Variants in CRMP1 observed in about 807,000 individuals in gnomAD.
CRMP1 encodes dihydropyrimidinase-related protein 1.
CRMP1 carries 19 observed loss-of-function variants against 68.3 expected under a neutral mutation model. That is an observed-to-expected ratio of 0.28 (90% CI 0.19 to 0.41). CRMP1 has a LOEUF of 0.41. Among genes scored for constraint, CRMP1 ranks in the 10% least tolerant of loss-of-function variants. The pLI is 1.00. For missense variants in CRMP1, 791 were observed against 967.4 expected, an observed-to-expected ratio of 0.82 and a Z score of 2.42; for synonymous variants, 439 against 399.6, an observed-to-expected ratio of 1.10 and a Z score of -1.18.
chr4:5,880,094 A>G (rs1715129322), intron 1 of CRMP1, among the ~76,000 whole-genome samples: 1 of 152,194 alleles, frequency 6.6e-6, no homozygotes, highest in Non-Finnish European at 1.5e-5. Flanking sequence ...CACTCTACAT[A>G]AAGAAGAGCC....
At chr4:5,876,774 A>G (rs986132078) in intron 1 of CRMP1, among the ~76,000 whole-genome samples, 4 of 149,728 alleles carry the variant, frequency 2.7e-5, no homozygotes, top group African/African-American at 1.0e-4. Context: ...ATAGCACGAC[A>G]GCATGGCCCA....
intron 4 of CRMP1, 73 bp from the exon 5 acceptor site, chr4:5,851,542 G>A (rs1340576617): frequency 6.9e-7 from 1 of 1,439,938 alleles, no homozygotes; most frequent in African/African-American, 1.4e-5. Flanking sequence ...ATAAATCAAT[G>A]ACCACAGAGC....
chr4:5,860,883 C>T lies in CRMP1; in HGVS notation c.655+143G>A. Reference sequence around the variant, plus strand: ...CACGGTATGCTCTGTAAAACAGTGACCTGTGTCATAGGGCTGGGGGGAGAA... The same window carrying T: ...CACGGTATGCTCTGTAAAACAGTGATCTGTGTCATAGGGCTGGGGGGAGAA... On this transcript the variant is annotated intron_variant, in intron 3 of 13. Transcript: ENST00000324989. This position sits in a 1 kb window ranked among gnomAD's most constrained non-coding sequence, Gnocchi z 4.2. 1 of 778,920 alleles carries T rather than the reference C, an allele frequency of 1.3e-6. No individual in the cohort carries two copies. Among genetic ancestry groups the T allele is most frequent in the Non-Finnish European group, 2.0e-6 (1 of 501,736 alleles). The allele number at this position is 778,920 out of a possible 1,614,324, so 48.3% of individuals were successfully genotyped here. A position where few individuals can be genotyped will look rare whatever the true frequency, so the allele number is the denominator to read the frequency against.
intron 13 of CRMP1, among the ~76,000 whole-genome samples, chr4:5,822,373 A>G (rs996410263): frequency 6.6e-6 from 1 of 152,166 alleles, no homozygotes; most frequent in African/African-American, 2.4e-5. Flanking sequence ...CCCACACTCC[A>G]AAGGTATTTT....
At chr4:5,849,117 C>CA (rs1712436059) in intron 6 of CRMP1, among the ~76,000 whole-genome samples, 1 of 152,190 alleles carries the variant, frequency 6.6e-6, no homozygotes, top group South Asian at 2.1e-4. Context: ...AGGAGACTGG[C>CA]ATGGAACACC....
chr4:5,825,884 C>G lies in CRMP1; in HGVS notation c.1804-225G>C. ...GCATACACACACATCTACATACCCA[C>G]ATGCATACACATACAGACGCACACA... On this transcript the variant is annotated intron_variant, in intron 12 of 13. Coordinates refer to ENST00000324989, the MANE Select transcript of CRMP1 (RefSeq NM_001014809.3). The surrounding 1 kb of genome is among the most constrained non-coding windows in gnomAD (Gnocchi z 4.4). The G allele has an allele frequency of 1.9e-6, 1 of 513,684 alleles. No individual in the cohort carries two copies. The highest frequency in any genetic ancestry group is 4.0e-5 in the Admixed American group (1 of 25,046). 31.8% of individuals were successfully genotyped at this position (513,684 alleles called of 1,614,324 possible).
intron 1 of CRMP1, among the ~76,000 whole-genome samples, chr4:5,874,093 T>G (rs1714645185): frequency 6.6e-6 from 1 of 152,242 alleles, no homozygotes; most frequent in Admixed American, 6.5e-5. Flanking sequence ...ATCAAAGGCC[T>G]TAACAATGTT....
chr4:5,839,720 C>A (rs746318573), intron 8 of CRMP1, 42 bp from the exon 9 acceptor site: 11 of 1,566,614 alleles, frequency 7.0e-6, no homozygotes, highest in Admixed American at 1.8e-5. Flanking sequence ...AGCAAATACT[C>A]TCTTGAGGCA....
At chr4:5,871,488 G>A (rs1479453551) in intron 1 of CRMP1, among the ~76,000 whole-genome samples, 9 of 152,042 alleles carry the variant, frequency 5.9e-5, no homozygotes, top group African/African-American at 9.7e-5. Flanking sequence ...GTGAAACCCC[G>A]TCTGTACTAA....
intron 12 of CRMP1, chr4:5,828,028 C>G: frequency 2.0e-6 from 2 of 985,284 alleles, no homozygotes; most frequent in Non-Finnish European, 2.4e-6. Context: ...AAGGGCGGAT[C>G]TGAAGGAAGC....
Position 5,892,925 on chromosome 4 carries a change from G to T in CRMP1, c.45C>A (p.Pro15=), listed in dbSNP as rs999599956. The T allele has an allele frequency of 1.5e-6, 2 of 1,310,054 alleles. No individual in the cohort carries two copies. The highest frequency in any genetic ancestry group is 9.8e-7 in the Non-Finnish European group (1 of 1,024,266). 81.2% of individuals were successfully genotyped at this position (1,310,054 alleles called of 1,614,324 possible). Reference sequence around the variant, plus strand: ...CGCTGCCCGGCCGCGCCAGGTACACGGGCAGGTCGTCCTCGGTGTTCCACG... The same window carrying T: ...CGCTGCCCGGCCGCGCCAGGTACACTGGCAGGTCGTCCTCGGTGTTCCACG... ...RRAWNTEDDL[P]VYLARPGSAA... Residue 15 remains proline, a synonymous_variant, in exon 1 of 14, where the codon CCC becomes CCA. Transcript: ENST00000324989. This position sits in a 1 kb window ranked among gnomAD's most constrained non-coding sequence, Gnocchi z 8.6.
chr4:5,835,849 C>A, intron 11 of CRMP1, 66 bp downstream of exon 11: 1 of 1,345,482 alleles, frequency 7.4e-7, no homozygotes, highest in South Asian at 2.4e-5. Flanking sequence ...CATTTTTAAC[C>A]AGTCTTTAAA....
intron 1 of CRMP1, among the ~76,000 whole-genome samples, chr4:5,880,917 T>C (rs181325864): frequency 6.6e-6 from 1 of 152,330 alleles, no homozygotes; most frequent in East Asian, 1.9e-4. Flanking sequence ...CCAGTGTTCC[T>C]GAAGGGCTCC....
chr4:5,836,696 T>A (rs1193375538), intron 10 of CRMP1, 69 bp downstream of exon 10: 2 of 1,610,474 alleles, frequency 1.2e-6, no homozygotes, highest in Admixed American at 3.3e-5. Context: ...CCAGCGTGCA[T>A]AATGCATCGG....
intron 3 of CRMP1, among the ~76,000 whole-genome samples, chr4:5,857,753 A>C (rs185974491): frequency 6.6e-6 from 1 of 152,306 alleles, no homozygotes; most frequent in African/African-American, 2.4e-5. Flanking sequence ...CTGAACTCTT[A>C]CCCACTGCTC....
chr4:5,853,443 T>A lies in CRMP1; in HGVS notation c.821-1974A>T, dbSNP rs147592089. ...AGAGCTGCATCTAAGAGATAGCAAG[T>A]GTTGATGAGGATGTGGAGAAAAGGC... is the stretch of plus-strand genomic sequence containing the variant. On this transcript the variant is annotated intron_variant, in intron 4 of 13. Coordinates refer to ENST00000324989, the MANE Select transcript of CRMP1 (RefSeq NM_001014809.3). The surrounding 1 kb of genome is among the most constrained non-coding windows in gnomAD (Gnocchi z 4.7). 4.2e-3 allele frequency among the ~76,000 whole-genome samples: 643 copies of A among 152,172 alleles called. 2 individuals are homozygous for A. The highest frequency in any genetic ancestry group is 6.5e-3 in the Non-Finnish European group (443 of 67,990).
rs2286281 is a variant in CRMP1 at position 5,841,591 on chromosome 4, G to T, written c.1033-163C>A. On this transcript the variant is annotated intron_variant, in intron 7 of 13. Coordinates refer to ENST00000324989, the MANE Select transcript of CRMP1 (RefSeq NM_001014809.3). This position sits in a 1 kb window ranked among gnomAD's most constrained non-coding sequence, Gnocchi z 6.9. ...GCTTGACAGTGCCCCCTGCTCTCCG[G>T]GGTGGAGCATTGGTCTCACGCTGGG... 0.3 allele frequency among the ~76,000 whole-genome samples: 45,638 copies of T among 151,988 alleles called. 7,234 individuals are homozygous for T. Among genetic ancestry groups the T allele is most frequent in the African/African-American group, 0.38 (15,599 of 41,458 alleles).
chr4:5,888,521 G>C lies in CRMP1; in HGVS notation c.381+4068C>G. ...GAAGGAGGAGGGAGAGGCGAGGGCG[G>C]GAGGAGGGGGCTGCAGACAGCTCCT... On this transcript the variant is annotated intron_variant, in intron 1 of 13. Coordinates refer to ENST00000324989, the MANE Select transcript of CRMP1 (RefSeq NM_001014809.3). The surrounding 1 kb of genome is among the most constrained non-coding windows in gnomAD (Gnocchi z 6.4). 2.5e-6 allele frequency: 3 copies of C among 1,183,958 alleles called. No individual in the cohort carries two copies. Among genetic ancestry groups the C allele is most frequent in the Non-Finnish European group, 3.1e-6 (3 of 957,376 alleles). 73.3% of individuals were successfully genotyped at this position (1,183,958 alleles called of 1,614,324 possible). A position where few individuals can be genotyped will look rare whatever the true frequency, so the allele number is the denominator to read the frequency against.
chr4:5,864,841 CG>C (rs1713871394), intron 2 of CRMP1, among the ~76,000 whole-genome samples: 2 of 151,846 alleles, frequency 1.3e-5, no homozygotes, highest in South Asian at 4.2e-4. Flanking sequence ...TGGCAAGTCC[CG>C]TGAGTCCCAA....
Sources: allele counts gnomAD v4.1 joint callset (sites outside exome capture counted in the v4.1 genomes callset), GRCh38; gene constraint gnomAD v4.1.1; non-coding constraint Gnocchi (gnomAD v3.1); transcripts MANE v1.5; gene names NCBI Gene and HGNC (gene_info 2026-07-23, HGNC 2026-07-21).